The following PCDHGA11 variants were observed in gnomAD, a reference collection of about 807,000 sequenced individuals.
PCDHGA11 encodes the protein protocadherin gamma-A11.
A neutral mutation model predicts 60.4 loss-of-function variants in PCDHGA11; 39 were observed. The observed-to-expected ratio is 0.65, with a 90% CI of 0.50 to 0.84. PCDHGA11 has a LOEUF of 0.84. PCDHGA11 is among the 40% of genes least tolerant of loss of function. PCDHGA11 has a pLI of 0.00. For synonymous variants in PCDHGA11, 533 were observed against 510.3 expected (o/e 1.04, Z -0.60); for missense variants, 1,165 against 1,197.7 (o/e 0.97, Z 0.40).
chr5:141,432,120 A>G lies in PCDHGA11; in HGVS notation c.2433+8460A>G, dbSNP rs764363553. 12 of 1,613,978 alleles carry G rather than the reference A, an allele frequency of 7.4e-6. No homozygotes were observed. The highest frequency in any genetic ancestry group is 5.3e-5 in the African/African-American group (4 of 74,894). ...AACGACAACCCGCCGGTCTTCCCTCAGGCCTCCTATTCCGCTTATATCCCA... is the reference window on the plus strand; with the variant it reads ...AACGACAACCCGCCGGTCTTCCCTCGGGCCTCCTATTCCGCTTATATCCCA... On this transcript the variant is annotated intron_variant, in intron 1 of 3. Transcript: ENST00000398587. The surrounding 1 kb of genome is among the most constrained non-coding windows in gnomAD (Gnocchi z 6.0).
In PCDHGA11 at chr5:141,421,591, G is replaced by A. The variant is rs1273484124; in HGVS notation, c.364G>A (p.Val122Met). The A allele has an allele frequency of 1.9e-6, 3 of 1,613,756 alleles. No homozygotes were observed. In the Admixed American group the frequency reaches 5.0e-5, roughly 27 times the overall value. ...CACCTTGAAGATTTACGGAGTGGAG[G>A]TGGAAATAATAGATATTAATGATAA... is the stretch of plus-strand genomic sequence containing the variant. ...EDTLKIYGVE[V>M]EIIDINDNAP... Residue 122 changes from valine (V) to methionine (M), a missense_variant, in exon 1 of 4, where the codon GTG becomes ATG. Transcript: ENST00000398587.
rs1055747392 is a variant in PCDHGA11 at position 141,490,298 on chromosome 5, C to G, written c.2434-4509C>G. 6.2e-7 allele frequency: 1 copy of G among 1,614,178 alleles called. No individual in the cohort carries two copies. The highest frequency in any genetic ancestry group is 1.3e-5 in the African/African-American group (1 of 75,036). On this transcript the variant is annotated intron_variant, in intron 1 of 3. Transcript: ENST00000398587. The surrounding 1 kb of genome is among the most constrained non-coding windows in gnomAD (Gnocchi z 5.4). ...GACAATGCCCCAGAGGTGCTATTGG[C>G]CTCTTTGGCCAACCCTGTCCTAGAG...
chr5:141,424,408 T>G (rs942542788), intron 1 of PCDHGA11: 1 of 152,224 alleles, frequency 6.6e-6, no homozygotes, highest in Non-Finnish European at 1.5e-5. Flanking sequence ...TATGGTGAAG[T>G]TACATTGACT....
chr5:141,440,444 C>G (rs2098178389), intron 1 of PCDHGA11: 1 of 152,038 alleles, frequency 6.6e-6, no homozygotes, highest in Admixed American at 6.6e-5. Context: ...AAGGCGCCAT[C>G]TCAAAAAAAA....
At chr5:141,448,074 G>A (rs1008235342) in intron 1 of PCDHGA11, among the ~76,000 whole-genome samples, 3 of 151,152 alleles carry the variant, frequency 2.0e-5, no homozygotes, top group Admixed American at 1.3e-4. Context: ...CAACATGAAC[G>A]AAATGCCATC....
intron 2 of PCDHGA11, among the ~76,000 whole-genome samples, chr5:141,500,587 C>T (rs1418158417): frequency 6.6e-5 from 10 of 152,170 alleles, no homozygotes; most frequent in South Asian, 2.1e-4. Flanking sequence ...ACACTTTATT[C>T]ACATATTAAG....
chr5:141,511,147 A>T lies in PCDHGA11; in HGVS notation c.2782A>T (p.Lys928Ter). The change falls in exon 4 of 4, where the codon AAG becomes TAG. Residue 928 changes from lysine to a stop codon, truncating the protein, a stop_gained. Coordinates refer to ENST00000398587, the MANE Select transcript of PCDHGA11 (RefSeq NM_018914.3). LOFTEE classifies it high-confidence loss of function. Reference sequence around the variant, plus strand: ...AGCAGGTGGCAATGGCAACAAGAAGAAGTCGGGCAAGAAGGAGAAGAAGTA... The same window carrying T: ...AGCAGGTGGCAATGGCAACAAGAAGTAGTCGGGCAAGAAGGAGAAGAAGTA... The part of the protein sequence containing the change: ...APAGGNGNKK[K>*]SGKKEKK 1 of 1,614,188 alleles carries T rather than the reference A, an allele frequency of 6.2e-7. No homozygotes were observed. Among genetic ancestry groups the T allele is most frequent in the East Asian group, 2.2e-5 (1 of 44,876 alleles).
intron 3 of PCDHGA11, among the ~76,000 whole-genome samples, chr5:141,505,765 T>C (rs970212345): frequency 5.3e-5 from 8 of 151,922 alleles, no homozygotes; most frequent in African/African-American, 1.9e-4. Flanking sequence ...ACAGTGTAGC[T>C]CAGGTCCTAG....
chr5:141,501,025 C>T (rs999221755), intron 2 of PCDHGA11, among the ~76,000 whole-genome samples: 94 of 152,100 alleles, frequency 6.2e-4, no homozygotes, highest in East Asian at 1.9e-3. Flanking sequence ...CGCGCCACCA[C>T]GCCCAGCTAA....
intron 1 of PCDHGA11, chr5:141,479,247 C>A (rs1428944159): frequency 6.6e-6 from 1 of 152,084 alleles, no homozygotes; most frequent in Non-Finnish European, 1.5e-5. Flanking sequence ...CAAAGATAAC[C>A]ATTTTTAATT....
chr5:141,511,462 C>T lies in PCDHGA11; in HGVS notation c.*289C>T, dbSNP rs1385398410. On this transcript the variant is annotated 3_prime_UTR_variant, in exon 4 of 4. Transcript: ENST00000398587. Reference sequence around the variant, plus strand: ...AGACACCAAGAACCATTTGCCACACCCCGTTTAGTTACAGCTGAACTCCTC... The same window carrying T: ...AGACACCAAGAACCATTTGCCACACTCCGTTTAGTTACAGCTGAACTCCTC... 5.4e-6 allele frequency: 3 copies of T among 556,350 alleles called. No individual in the cohort carries two copies. In the South Asian group the frequency reaches 6.3e-5, roughly 12 times the overall value. 34.5% of individuals were successfully genotyped at this position (556,350 alleles called of 1,614,324 possible).
chr5:141,451,597 C>A (rs2098719892), intron 1 of PCDHGA11, among the ~76,000 whole-genome samples: 1 of 152,076 alleles, frequency 6.6e-6, no homozygotes, highest in Admixed American at 6.6e-5. Context: ...AAGTGACATA[C>A]AAGGCTAGGC....
chr5:141,456,299 A>G (rs11167748), intron 1 of PCDHGA11, among the ~76,000 whole-genome samples: 25,602 of 152,048 alleles, frequency 0.17, 2,205 homozygotes, highest in South Asian at 0.22. Context: ...TCTAATGGAG[A>G]ACAGCAGCTA....
In PCDHGA11 at chr5:141,423,149, A is replaced by G. The variant is rs763488632; in HGVS notation, c.1922A>G (p.Gln641Arg). Residue 641 changes from glutamine (Q) to arginine (R), a missense_variant, in exon 1 of 4, where the codon CAG becomes CGG. Transcript: ENST00000398587. ...RALLDRDALK[Q>R]SLVVAVQDHG... Reference sequence around the variant, plus strand: ...CTGCTGGACAGAGACGCGCTCAAGCAGAGCCTCGTGGTGGCCGTCCAGGAC... The same window carrying G: ...CTGCTGGACAGAGACGCGCTCAAGCGGAGCCTCGTGGTGGCCGTCCAGGAC... 2 of 1,613,554 alleles carry G rather than the reference A, an allele frequency of 1.2e-6. No individual in the cohort carries two copies. The highest frequency in any genetic ancestry group is 8.5e-7 in the Non-Finnish European group (1 of 1,179,924).
At chr5:141,465,812 T>A (rs533291720) in intron 1 of PCDHGA11, among the ~76,000 whole-genome samples, 1 of 152,082 alleles carries the variant, frequency 6.6e-6, no homozygotes, top group South Asian at 2.1e-4. Flanking sequence ...TTCAGGATCT[T>A]GATCACATTT....
At chr5:141,472,617 A>G (rs1024856184) in intron 1 of PCDHGA11, among the ~76,000 whole-genome samples, 3 of 152,138 alleles carry the variant, frequency 2.0e-5, no homozygotes, top group African/African-American at 7.2e-5. Flanking sequence ...CAAAGAAGAA[A>G]AAAGATAAAG....
chr5:141,433,582 T>TCCCA (rs758953161), intron 1 of PCDHGA11, among the ~76,000 whole-genome samples: 4 of 151,942 alleles, frequency 2.6e-5, no homozygotes, highest in Non-Finnish European at 5.9e-5. Flanking sequence ...ACGCCTGTAA[T>TCCCA]CCCAGTACTT....
chr5:141,427,960 G>T (rs759698390), intron 1 of PCDHGA11: 2 of 1,589,168 alleles, frequency 1.3e-6, no homozygotes, highest in Non-Finnish European at 1.7e-6. Context: ...AATGTGCCGC[G>T]GGTGCTGTAC....
chr5:141,428,388 C>A, intron 1 of PCDHGA11: 1 of 506,160 alleles, frequency 2.0e-6, no homozygotes, highest in African/African-American at 1.9e-5. Flanking sequence ...GCTCTTCCAG[C>A]CCCTCTGCCT....
Sources: allele counts gnomAD v4.1 joint callset (sites outside exome capture counted in the v4.1 genomes callset), GRCh38; gene constraint gnomAD v4.1.1; non-coding constraint Gnocchi (gnomAD v3.1); transcripts MANE v1.5; gene names NCBI Gene and HGNC (gene_info 2026-07-23, HGNC 2026-07-21).